Variants in ANGPT1 observed in about 807,000 individuals in gnomAD.
ANGPT1 encodes angiopoietin 1, also known as angiopoietin-1.
ANGPT1 carries 17 observed loss-of-function variants against 62.2 expected under a neutral mutation model. The observed-to-expected ratio is 0.27, with a 90% CI of 0.19 to 0.41. ANGPT1 has a LOEUF of 0.41. Ranked by LOEUF, ANGPT1 falls within the 10% of genes least tolerant of loss-of-function variation. The pLI, the probability that ANGPT1 is intolerant of heterozygous loss-of-function variation, is 1.00. For synonymous variants in ANGPT1, 199 were observed against 198.9 expected, an observed-to-expected ratio of 1.00 and a Z score of 0.00; for missense variants, 478 against 594.9, an observed-to-expected ratio of 0.80 and a Z score of 2.04.
chr8:107,444,854 C>G (rs1338208995), intron 1 of ANGPT1, among the ~76,000 whole-genome samples: 1 of 152,084 alleles, frequency 6.6e-6, no homozygotes, highest in Non-Finnish European at 1.5e-5. Flanking sequence ...TTCTGAAGGG[C>G]AGGGCACTCC....
chr8:107,477,961 T>C (rs1452453638), intron 1 of ANGPT1, among the ~76,000 whole-genome samples: 1 of 151,412 alleles, frequency 6.6e-6, no homozygotes, highest in Non-Finnish European at 1.5e-5. Flanking sequence ...GACCATGACA[T>C]GAGTAAAGTA....
chr8:107,491,959 T>TCATAC lies in ANGPT1; in HGVS notation c.297+5302_297+5303insGTATG, dbSNP rs534018225. Among the ~76,000 whole-genome samples, 330 of 152,286 alleles carry TCATAC rather than the reference T, an allele frequency of 2.2e-3. 1 individual carries two copies. The highest frequency in any genetic ancestry group is 2.3e-3 in the Non-Finnish European group (155 of 68,020). On this transcript the variant is annotated intron_variant, in intron 1 of 8. Coordinates refer to ENST00000517746, the MANE Select transcript of ANGPT1 (RefSeq NM_001146.5). ...AAACTCATAGAAAAGGACCTACTTG[T>TCATAC]CATAGCCCTAAAACCTGAGCTCTCT... is the stretch of plus-strand genomic sequence containing the variant.
chr8:107,435,374 C>T lies in ANGPT1; in HGVS notation c.297+61888G>A, dbSNP rs1271574132. ...TTTATCTAATAACAGCTTATAGAGA[C>T]GTTACTACGGACAGGTGTTTTCTAG... On this transcript the variant is annotated intron_variant, in intron 1 of 8. Transcript: ENST00000517746. 2.0e-5 allele frequency among the ~76,000 whole-genome samples: 3 copies of T among 152,304 alleles called. No individual in the cohort carries two copies. In the East Asian group the frequency reaches 5.8e-4, roughly 29 times the overall value.
At position 107,303,433 on chromosome 8, in the gene ANGPT1, C is replaced by T. The variant is rs1447101009; in HGVS notation, c.809-66G>A. ...GTACCATTAGTAGCCAAACTGACTC[C>T]AATAATAGCTAAGCATGTCTTCATT... On this transcript the variant is annotated intron_variant, in intron 4 of 8. Transcript: ENST00000517746. The T allele has an allele frequency of 6.8e-6, 9 of 1,332,144 alleles. No homozygotes were observed. The African/African-American group carries it at 9.1e-5, about 13-fold the overall frequency. The allele number at this position is 1,332,144 out of a possible 1,614,324, so 82.5% of individuals were successfully genotyped here. A position where few individuals can be genotyped will look rare whatever the true frequency, so the allele number is the denominator to read the frequency against.
chr8:107,370,700 C>CAAAAAAAAA (rs71308729), intron 1 of ANGPT1, among the ~76,000 whole-genome samples: 17 of 75,572 alleles, frequency 2.2e-4, no homozygotes, highest in South Asian at 5.9e-4. Flanking sequence ...AAGACTCTGT[C>CAAAAAAAAA]AAAAAAAAAA....
intron 7 of ANGPT1, among the ~76,000 whole-genome samples, chr8:107,282,455 T>C (rs1007851084): frequency 8.1e-5 from 10 of 123,234 alleles, no homozygotes; most frequent in African/African-American, 2.1e-4. Context: ...TGTGTGTGTG[T>C]GCGTGTGTAC....
At chr8:107,474,150 A>T (rs898626657) in intron 1 of ANGPT1, among the ~76,000 whole-genome samples, 9 of 152,112 alleles carry the variant, frequency 5.9e-5, no homozygotes, top group African/African-American at 2.2e-4. Flanking sequence ...AGAATTTTAG[A>T]TGAATATCCC....
At chr8:107,312,940 G>C (rs1401084468) in intron 4 of ANGPT1, among the ~76,000 whole-genome samples, 3 of 152,108 alleles carry the variant, frequency 2.0e-5, no homozygotes, top group Non-Finnish European at 2.9e-5. Flanking sequence ...TAGCTCTAGA[G>C]AGATAGGTTG....
At chr8:107,403,076 G>GTGTGTT (rs1817076922) in intron 1 of ANGPT1, among the ~76,000 whole-genome samples, 2 of 152,166 alleles carry the variant, frequency 1.3e-5, no homozygotes. Flanking sequence ...CTGAAAGGGA[G>GTGTGTT]CTTCTAGAGT....
chr8:107,344,655 A>T (rs2130150596), intron 2 of ANGPT1, among the ~76,000 whole-genome samples: 1 of 152,340 alleles, frequency 6.6e-6, no homozygotes, highest in Middle Eastern at 3.4e-3. Flanking sequence ...TGTGAAAGCT[A>T]GTGCATTAAA....
At chr8:107,266,539 G>A (rs930008690) in intron 7 of ANGPT1, among the ~76,000 whole-genome samples, 22 of 152,152 alleles carry the variant, frequency 1.4e-4, no homozygotes, top group African/African-American at 3.1e-4. Flanking sequence ...AAGTAGCTAC[G>A]TCTCTCCTAG....
intron 7 of ANGPT1, among the ~76,000 whole-genome samples, chr8:107,279,265 G>C (rs1418994542): frequency 6.6e-6 from 1 of 152,104 alleles, no homozygotes; most frequent in Non-Finnish European, 1.5e-5. Context: ...ACAGGTAAAG[G>C]TAGTTCTATT....
intron 4 of ANGPT1, among the ~76,000 whole-genome samples, chr8:107,319,341 T>C (rs796155755): frequency 7.2e-5 from 11 of 152,184 alleles, no homozygotes; most frequent in African/African-American, 2.4e-4. Context: ...GATTAGTGGG[T>C]CAGATTGAAA....
chr8:107,467,418 G>C (rs921273330), intron 1 of ANGPT1, among the ~76,000 whole-genome samples: 2 of 151,806 alleles, frequency 1.3e-5, no homozygotes, highest in African/African-American at 4.8e-5. Flanking sequence ...ATTTAATATA[G>C]ATAAATTGAA....
chr8:107,394,940 T>G (rs1160490583), intron 1 of ANGPT1, among the ~76,000 whole-genome samples: 1 of 152,178 alleles, frequency 6.6e-6, no homozygotes, highest in Non-Finnish European at 1.5e-5. Context: ...ATAATTAAGT[T>G]TGACATAGTG....
chr8:107,262,152 G>T (rs560179499), intron 8 of ANGPT1, among the ~76,000 whole-genome samples: 1 of 152,056 alleles, frequency 6.6e-6, no homozygotes, highest in Non-Finnish European at 1.5e-5. Context: ...CCTAGATTGC[G>T]CCATTGCACT....
rs543960107 is a variant in ANGPT1, at chr8:107,497,165, G to A, written c.297+97C>T. ...AAACACTGCCCCCCTGGAGCAAAAG[G>A]TAAATACACAAATGCTCCCCTAAGG... On this transcript the variant is annotated intron_variant, in intron 1 of 8. Transcript: ENST00000517746. 3.6e-4 allele frequency: 501 copies of A among 1,383,530 alleles called. 1 individual carries two copies. The highest frequency in any genetic ancestry group is 1.8e-3 in the Admixed American group (85 of 47,600). 85.7% of individuals were successfully genotyped at this position (1,383,530 alleles called of 1,614,324 possible). A position where few individuals can be genotyped will look rare whatever the true frequency, so the allele number is the denominator to read the frequency against.
At chr8:107,313,589 A>G (rs1353416016) in intron 4 of ANGPT1, among the ~76,000 whole-genome samples, 1 of 150,272 alleles carries the variant, frequency 6.7e-6, no homozygotes, top group Non-Finnish European at 1.5e-5. Flanking sequence ...ACAGGCGCCC[A>G]CCACCACTCC....
chr8:107,275,593 T>C (rs1236712743), intron 7 of ANGPT1, among the ~76,000 whole-genome samples: 1 of 152,160 alleles, frequency 6.6e-6, no homozygotes, highest in East Asian at 1.9e-4. Context: ...TCTGCAACCA[T>C]CCGACCCCAC....
Sources: gnomAD v4.1 joint callset for allele counts (sites outside exome capture counted in the v4.1 genomes callset) on GRCh38, gnomAD v4.1.1 for gene constraint, MANE v1.5 for transcripts, NCBI Gene and HGNC (gene_info 2026-07-23, HGNC 2026-07-21) for gene names.